The following RPS6KA2 variants were observed in gnomAD, a reference collection of about 807,000 sequenced individuals.
The protein encoded by RPS6KA2 is ribosomal protein S6 kinase alpha-2.
Under a neutral mutation model 91.8 loss-of-function variants are expected in RPS6KA2, and 42 were observed. The ratio of observed to expected loss-of-function variants is 0.46; its 90% CI spans 0.36 to 0.59. The LOEUF (loss-of-function observed/expected upper bound fraction) is 0.59. RPS6KA2 is among the 20% of genes least tolerant of loss of function. The pLI, the probability that RPS6KA2 is intolerant of heterozygous loss-of-function variation, is 0.00. For missense variants in RPS6KA2, 798 were observed against 978.5 expected (o/e 0.82, Z 2.46); for synonymous variants, 414 against 393.6 (o/e 1.05, Z -0.61).
At chr6:166,654,376 C>T (rs564079837) in intron 2 of RPS6KA2, among the ~76,000 whole-genome samples, 8 of 152,212 alleles carry the variant, frequency 5.3e-5, no homozygotes, top group African/African-American at 1.7e-4. Context: ...TGAAAGGGCA[C>T]GGGCCCCACT....
At chr6:166,782,347 T>A (rs980424167) in intron 2 of RPS6KA2, among the ~76,000 whole-genome samples, 3 of 152,168 alleles carry the variant, frequency 2.0e-5, no homozygotes, top group African/African-American at 7.2e-5. Flanking sequence ...GTCCCTGAGT[T>A]GGGTGATGCA....
At chr6:166,769,296 A>C (rs971331985) in intron 2 of RPS6KA2, among the ~76,000 whole-genome samples, 8 of 152,240 alleles carry the variant, frequency 5.3e-5, no homozygotes, top group Non-Finnish European at 1.2e-4. Context: ...AGTTCATCAC[A>C]CATTTGGATA....
rs201871471 is a variant in RPS6KA2 at position 166,498,510 on chromosome 6, T to C, written c.745A>G (p.Met249Val). The change falls in exon 8 of 21, where the codon ATG becomes GTG. Residue 249 changes from methionine to valine, a missense_variant and splice_region_variant. Coordinates refer to ENST00000265678, the MANE Select transcript of RPS6KA2 (RefSeq NM_021135.6). ...SADWWSFGVL[M>V]FEMLTGSLPF... ...GAAGAGGGTCGGGGCAGGCTCACCA[T>C]GAGCACGCCGAAGGACCACCAGTCG... 5 of 1,608,646 alleles carry C rather than the reference T, an allele frequency of 3.1e-6. No individual in the cohort carries two copies. In the Admixed American group the frequency reaches 5.1e-5, roughly 16 times the overall value.
intron 6 of RPS6KA2, among the ~76,000 whole-genome samples, chr6:166,502,049 C>A (rs2294323): frequency 0.26 from 40,174 of 152,012 alleles, 9,030 homozygotes; most frequent in African/African-American, 0.62. Flanking sequence ...AAGTGGATGG[C>A]GGGTGCCGGG....
intron 19 of RPS6KA2, among the ~76,000 whole-genome samples, chr6:166,416,062 T>TC (rs1308980480): frequency 3.5e-4 from 42 of 119,252 alleles, no homozygotes; most frequent in African/African-American, 1.4e-3. Flanking sequence ...ATCCTCACCA[T>TC]CTCCACCATC....
At chr6:166,476,959 C>T (rs771137049) in intron 10 of RPS6KA2, among the ~76,000 whole-genome samples, 8 of 152,142 alleles carry the variant, frequency 5.3e-5, no homozygotes, top group Non-Finnish European at 1.0e-4. Context: ...CCCAGATGGT[C>T]AAAGGGAGAA....
chr6:166,576,734 A>G (rs4709124), intron 1 of RPS6KA2, among the ~76,000 whole-genome samples: 10,295 of 152,298 alleles, frequency 0.068, 668 homozygotes, highest in South Asian at 0.24. Context: ...GCAGCCTGAC[A>G]ATGTGATAGG....
chr6:166,536,530 T>C (rs1311383700), intron 2 of RPS6KA2, among the ~76,000 whole-genome samples: 1 of 152,208 alleles, frequency 6.6e-6, no homozygotes, highest in Non-Finnish European at 1.5e-5. Context: ...GTGACGATAT[T>C]AGCTCCAACC....
intron 2 of RPS6KA2, among the ~76,000 whole-genome samples, chr6:166,779,681 C>T (rs1298358499): frequency 3.3e-5 from 5 of 152,172 alleles, no homozygotes; most frequent in African/African-American, 1.2e-4. Flanking sequence ...AGGTGAGCGG[C>T]CAGGGTGTTT....
intron 1 of RPS6KA2, among the ~76,000 whole-genome samples, chr6:166,615,588 C>T (rs1323558477): frequency 6.6e-6 from 1 of 152,216 alleles, no homozygotes; most frequent in African/African-American, 2.4e-5. Context: ...GAAACACAAA[C>T]CTGCGGCGCA....
intron 2 of RPS6KA2, among the ~76,000 whole-genome samples, chr6:166,534,232 A>G (rs1296298528): frequency 6.7e-6 from 1 of 149,970 alleles, no homozygotes; most frequent in South Asian, 2.1e-4. Context: ...AAAAAAAAAA[A>G]AAAAAAAAAA....
intron 2 of RPS6KA2, among the ~76,000 whole-genome samples, chr6:166,750,022 C>T (rs1002391893): frequency 4.8e-4 from 73 of 152,156 alleles, no homozygotes; most frequent in African/African-American, 1.7e-3. Flanking sequence ...GAGTCCAGCC[C>T]GGCTTGAGTC....
chr6:166,447,612 C>G (rs929828514), intron 14 of RPS6KA2, among the ~76,000 whole-genome samples: 2 of 152,180 alleles, frequency 1.3e-5, no homozygotes, highest in African/African-American at 2.4e-5. Context: ...TTTGAAATAC[C>G]TGTTTTCACA....
intron 19 of RPS6KA2, among the ~76,000 whole-genome samples, chr6:166,415,584 G>A (rs911442346): frequency 6.6e-6 from 1 of 152,072 alleles, no homozygotes; most frequent in African/African-American, 2.4e-5. Context: ...TTGACAATGT[G>A]CCCTTGTCCT....
intron 3 of RPS6KA2, among the ~76,000 whole-genome samples, chr6:166,514,453 G>A (rs531491750): frequency 4.6e-5 from 7 of 152,276 alleles, no homozygotes; most frequent in Admixed American, 4.6e-4. Flanking sequence ...CAGGGGACCC[G>A]GGAGCCTCCA....
chr6:166,608,422 C>T (rs1786033557), intron 1 of RPS6KA2, among the ~76,000 whole-genome samples: 1 of 151,816 alleles, frequency 6.6e-6, no homozygotes, highest in African/African-American at 2.4e-5. Flanking sequence ...ATGCTTGACT[C>T]AAAATTCTTA....
intron 2 of RPS6KA2, among the ~76,000 whole-genome samples, chr6:166,837,521 C>G (rs1780350892): frequency 6.6e-6 from 1 of 152,188 alleles, no homozygotes; most frequent in African/African-American, 2.4e-5. Flanking sequence ...CCTGAGGGCT[C>G]CCCGCTCCTG....
intron 2 of RPS6KA2, among the ~76,000 whole-genome samples, chr6:166,722,972 T>C (rs537090512): frequency 3.3e-4 from 50 of 152,298 alleles, no homozygotes; most frequent in Non-Finnish European, 6.5e-4. Context: ...GTGCCTACAC[T>C]TGGCGACTAT....
In RPS6KA2 at chr6:166,508,257, G is replaced by A. The variant is rs774640160; in HGVS notation, c.405C>T (p.Tyr135=). Residue 135 remains tyrosine (Y), a synonymous_variant, in exon 5 of 21, where the codon TAC becomes TAT. Coordinates refer to ENST00000265678, the MANE Select transcript of RPS6KA2 (RefSeq NM_021135.6). This position sits in a 1 kb window ranked among gnomAD's most constrained non-coding sequence, Gnocchi z 4.3. The part of the protein sequence containing the change: ...HYAFQTEGKL[Y]LILDFLRGGD... The stretch of plus-strand genomic sequence containing the variant: ...CTCCCCGCAGGAAGTCCAGGATCAG[G>A]TAGAGCTTTCCTTCCGTCTGAAAGG... The A allele has an allele frequency of 1.7e-5, 27 of 1,613,370 alleles. No homozygotes were observed. Among genetic ancestry groups the A allele is most frequent in the Non-Finnish European group, 2.2e-5 (26 of 1,179,424 alleles).
Sources: gnomAD v4.1 joint callset for allele counts (sites outside exome capture counted in the v4.1 genomes callset) on GRCh38, gnomAD v4.1.1 for gene constraint, Gnocchi (gnomAD v3.1) non-coding constraint, MANE v1.5 for transcripts, NCBI Gene and HGNC (gene_info 2026-07-23, HGNC 2026-07-21) for gene names.